WWP2: variants seen among roughly 807,000 people sequenced by gnomAD.
The protein encoded by WWP2 is WW domain containing E3 ubiquitin protein ligase 2.
In WWP2, 57 loss-of-function variants were observed where a neutral mutation model predicts 121.0. That is an observed-to-expected ratio of 0.47 (90% CI 0.38 to 0.59). The LOEUF (loss-of-function observed/expected upper bound fraction) is 0.59. WWP2 is among the 20% of genes least tolerant of loss of function. WWP2 has a pLI of 0.00. For synonymous variants in WWP2, 449 were observed against 441.3 expected (o/e 1.02, Z -0.22); for missense variants, 962 against 1,158.9 (o/e 0.83, Z 2.47).
At chr16:69,826,070 C>T (rs1395918864) in intron 4 of WWP2, among the ~76,000 whole-genome samples, 2 of 148,782 alleles carry the variant, frequency 1.3e-5, no homozygotes, top group African/African-American at 2.5e-5. Flanking sequence ...AGTTTGAGAC[C>T]AGCCTGGCCA....
At chr16:69,773,599 G>C (rs2055463885) in intron 1 of WWP2, among the ~76,000 whole-genome samples, 1 of 151,980 alleles carries the variant, frequency 6.6e-6, no homozygotes, top group Admixed American at 6.6e-5. Context: ...TCCCACCTCA[G>C]CCTCCTGAGT....
intron 16 of WWP2, among the ~76,000 whole-genome samples, chr16:69,933,474 CG>C (rs2151994290): frequency 6.6e-6 from 1 of 152,234 alleles, no homozygotes; most frequent in East Asian, 1.9e-4. Flanking sequence ...TGTCATGGAT[CG>C]GGGTTGGAAA....
At chr16:69,933,719 G>A (rs562875958) in intron 16 of WWP2, among the ~76,000 whole-genome samples, 3 of 152,256 alleles carry the variant, frequency 2.0e-5, no homozygotes, top group East Asian at 1.9e-4. Context: ...CCTGGGAGCC[G>A]ACAATCACAC....
intron 4 of WWP2, among the ~76,000 whole-genome samples, chr16:69,816,121 G>C (rs2056485080): frequency 6.6e-6 from 1 of 152,100 alleles, no homozygotes; most frequent in South Asian, 2.1e-4. Context: ...TACCCAGTTA[G>C]TTTTTTCAAC....
intron 1 of WWP2, among the ~76,000 whole-genome samples, chr16:69,776,535 TATAATG>T (rs763010039): frequency 7.2e-5 from 11 of 152,136 alleles, no homozygotes; most frequent in East Asian, 1.9e-4. Context: ...TTTCTTAACT[TATAATG>T]ATAATAGGCC....
chr16:69,820,825 T>TACACACACAC (rs34214656), intron 4 of WWP2, among the ~76,000 whole-genome samples: 72 of 144,164 alleles, frequency 5.0e-4, no homozygotes, highest in East Asian at 6.3e-4. Flanking sequence ...TACATGCATA[T>TACACACACAC]ACACACACAC....
chr16:69,793,996 C>T (rs1208896523), intron 2 of WWP2, among the ~76,000 whole-genome samples: 1 of 140,614 alleles, frequency 7.1e-6, no homozygotes. Flanking sequence ...CAGCTTACTG[C>T]ACTTTCTGCC....
At chr16:69,842,782 A>G (rs1393958718) in intron 6 of WWP2, among the ~76,000 whole-genome samples, 1 of 152,038 alleles carries the variant, frequency 6.6e-6, no homozygotes. Context: ...CAATCCACCC[A>G]CCTCAGCATC....
At chr16:69,779,793 C>CTAAAAG in intron 1 of WWP2, among the ~76,000 whole-genome samples, 1 of 152,086 alleles carries the variant, frequency 6.6e-6, no homozygotes, top group African/African-American at 2.4e-5. Flanking sequence ...AGTGCTTTAA[C>CTAAAAG]CCCTGTTAAC....
chr16:69,792,660 A>G (rs1218988326), intron 2 of WWP2, among the ~76,000 whole-genome samples: 1 of 152,164 alleles, frequency 6.6e-6, no homozygotes, highest in East Asian at 1.9e-4. Flanking sequence ...AACCTAATGT[A>G]TGTGGTAAGA....
In WWP2 at chr16:69,878,525, C is replaced by CT. The variant is rs1391305084; in HGVS notation, c.703+6600dup. On this transcript the variant is annotated intron_variant, in intron 7 of 23. Coordinates refer to ENST00000359154, the MANE Select transcript of WWP2 (RefSeq NM_001270454.2). ...TATATACATTTTTCACTTCATTTTT[C>CT]TTTTTTAAAATTTTCTTATAGAATG... 2.0e-5 allele frequency among the ~76,000 whole-genome samples: 3 copies of CT among 152,014 alleles called. No individual in the cohort carries two copies. The South Asian group carries it at 6.2e-4, about 31-fold the overall frequency.
At chr16:69,886,976 T>C (rs1354468150) in intron 7 of WWP2, among the ~76,000 whole-genome samples, 2 of 152,238 alleles carry the variant, frequency 1.3e-5, no homozygotes, top group Non-Finnish European at 2.9e-5. Context: ...ACATATGCAA[T>C]CATATATATG....
intron 1 of WWP2, among the ~76,000 whole-genome samples, chr16:69,774,426 T>G (rs1719652905): frequency 1.3e-5 from 2 of 152,206 alleles, no homozygotes; most frequent in Middle Eastern, 3.4e-3. Context: ...ATGGCTAATT[T>G]TTGTGGTTTT....
At chr16:69,814,275 C>G (rs971392158) in intron 4 of WWP2, among the ~76,000 whole-genome samples, 1 of 152,146 alleles carries the variant, frequency 6.6e-6, no homozygotes, top group Non-Finnish European at 1.5e-5. Flanking sequence ...ATCCTCTTGC[C>G]TCAGCCTCCA....
rs565523200 is a variant in WWP2 at position 69,898,172 on chromosome 16, C to T, written c.914+9923C>T. Among the ~76,000 whole-genome samples, 15 of 151,828 alleles carry T rather than the reference C, an allele frequency of 9.9e-5. No homozygotes were observed. In the South Asian group the frequency reaches 3.1e-3, roughly 32 times the overall value. On this transcript the variant is annotated intron_variant, in intron 8 of 23. Transcript: ENST00000359154. ...CCTCCCAAGTAGCTGGGATTACAGG[C>T]ATCTACCACCATGCTTGGCTAGTTT... is the stretch of plus-strand genomic sequence containing the variant.
At chr16:69,892,891 C>G (rs945729162) in intron 8 of WWP2, among the ~76,000 whole-genome samples, 2 of 152,200 alleles carry the variant, frequency 1.3e-5, no homozygotes, top group African/African-American at 4.8e-5. Context: ...TTAGAATGCT[C>G]CAGTGGCTTC....
At chr16:69,769,614 A>G (rs955697752) in intron 1 of WWP2, among the ~76,000 whole-genome samples, 1 of 152,164 alleles carries the variant, frequency 6.6e-6, no homozygotes, top group Non-Finnish European at 1.5e-5. Flanking sequence ...GCCAGAGCCA[A>G]GAATTTCAGT....
intron 7 of WWP2, among the ~76,000 whole-genome samples, chr16:69,872,651 G>A (rs1053419607): frequency 2.2e-4 from 34 of 152,230 alleles, no homozygotes; most frequent in African/African-American, 8.0e-4. Context: ...GTTGCTAAGA[G>A]CTGAGTCAGA....
chr16:69,811,053 C>G (rs2056382810), intron 4 of WWP2, among the ~76,000 whole-genome samples: 1 of 152,182 alleles, frequency 6.6e-6, no homozygotes. Flanking sequence ...CCATGCCCGG[C>G]TGGAATTTTC....
Sources: gnomAD v4.1 joint callset for allele counts (sites outside exome capture counted in the v4.1 genomes callset) on GRCh38, gnomAD v4.1.1 for gene constraint, MANE v1.5 for transcripts, NCBI Gene and HGNC (gene_info 2026-07-23, HGNC 2026-07-21) for gene names.